NFIA: variants seen among roughly 807,000 people sequenced by gnomAD.
NFIA encodes nuclear factor I A.
NFIA carries 8 observed loss-of-function variants against 62.8 expected under a neutral mutation model. The observed-to-expected ratio is 0.13, with a 90% CI of 0.07 to 0.23. The LOEUF (loss-of-function observed/expected upper bound fraction) is 0.23, where lower values mean the gene tolerates loss of function less well. Ranked by LOEUF, NFIA falls within the 10% of genes least tolerant of loss-of-function variation. The pLI is 1.00. For missense variants in NFIA, 410 were observed against 642.1 expected (o/e 0.64, Z 3.91); for synonymous variants, 235 against 238.1 (o/e 0.99, Z 0.12).
intron 2 of NFIA, among the ~76,000 whole-genome samples, chr1:61,270,645 A>G (rs146978858): frequency 6.6e-6 from 1 of 152,232 alleles, no homozygotes; most frequent in Non-Finnish European, 1.5e-5. Flanking sequence ...CTTCAAGTAT[A>G]TATCATCCTG....
chr1:61,193,177 T>C (rs1651760511), intron 2 of NFIA, among the ~76,000 whole-genome samples: 1 of 152,212 alleles, frequency 6.6e-6, no homozygotes, highest in Non-Finnish European at 1.5e-5. Context: ...TGTCCATGTG[T>C]TTGGCTTGGA....
At position 61,352,529 on chromosome 1, in the gene NFIA, A is replaced by G. The variant is rs1230527886; in HGVS notation, c.780A>G (p.Gly260=). Residue 260 remains glycine, a synonymous_variant, in exon 5 of 11, where the codon GGA becomes GGG. Transcript: ENST00000403491. Reference sequence around the variant, plus strand: ...CTTCATACTACAGCATGAGTCCAGGAGCAATGAGGAGGTCTTTACCCAGCA... The same window carrying G: ...CTTCATACTACAGCATGAGTCCAGGGGCAATGAGGAGGTCTTTACCCAGCA... The part of the protein sequence containing the change: ...ESSSYYSMSP[G]AMRRSLPSTS... 1.2e-6 allele frequency: 2 copies of G among 1,613,938 alleles called. No individual in the cohort carries two copies. Among genetic ancestry groups the G allele is most frequent in the Non-Finnish European group, 1.7e-6 (2 of 1,179,904 alleles).
intron 9 of NFIA, among the ~76,000 whole-genome samples, chr1:61,408,907 G>A (rs1329219416): frequency 6.6e-6 from 1 of 152,184 alleles, no homozygotes; most frequent in Non-Finnish European, 1.5e-5. Context: ...CTCCAGGCTT[G>A]GGTAATGGTA....
intron 7 of NFIA, among the ~76,000 whole-genome samples, chr1:61,388,893 A>C (rs527533890): frequency 1.3e-5 from 2 of 152,286 alleles, no homozygotes; most frequent in East Asian, 1.9e-4. Flanking sequence ...GGCAGGAAGC[A>C]CTTGAGGCCA....
chr1:61,267,503 C>T (rs1055240700), intron 2 of NFIA, among the ~76,000 whole-genome samples: 2 of 151,860 alleles, frequency 1.3e-5, no homozygotes, highest in African/African-American at 2.4e-5. Context: ...AGGGAGACTT[C>T]GTCTCAAGAA....
chr1:61,085,629 T>A (rs529430474), intron 1 of NFIA, among the ~76,000 whole-genome samples: 1 of 152,128 alleles, frequency 6.6e-6, no homozygotes, highest in Non-Finnish European at 1.5e-5. Context: ...CTAATGATAC[T>A]CTTTAGTTTT....
intron 3 of NFIA, among the ~76,000 whole-genome samples, chr1:61,318,330 C>T (rs937544101): frequency 3.3e-5 from 5 of 152,092 alleles, no homozygotes; most frequent in African/African-American, 9.7e-5. Flanking sequence ...GAATGGACCC[C>T]GGCATGTTGG....
intron 2 of NFIA, among the ~76,000 whole-genome samples, chr1:61,207,141 T>G (rs1286115066): frequency 6.6e-6 from 1 of 152,158 alleles, no homozygotes; most frequent in East Asian, 1.9e-4. Flanking sequence ...TTTGTAGCTG[T>G]GATGGGTTAG....
intron 2 of NFIA, among the ~76,000 whole-genome samples, chr1:61,116,180 A>G (rs1189219109): frequency 6.6e-6 from 1 of 152,190 alleles, no homozygotes. Context: ...ATAACCTTGG[A>G]GAAGGAGAGT....
chr1:61,454,757 G>A (rs547607499), intron 10 of NFIA, among the ~76,000 whole-genome samples: 14 of 152,226 alleles, frequency 9.2e-5, no homozygotes, highest in Admixed American at 8.5e-4. Flanking sequence ...TTCTTGTGTC[G>A]CTATTGACCA....
At chr1:61,257,457 G>T (rs919244136) in intron 2 of NFIA, among the ~76,000 whole-genome samples, 1 of 147,500 alleles carries the variant, frequency 6.8e-6, no homozygotes, top group East Asian at 2.1e-4. Flanking sequence ...CCTGACTCAG[G>T]CTCCCGAGTA....
chr1:61,081,760 C>A, upstream of NFIA: 1 of 1,060,268 alleles, frequency 9.4e-7, no homozygotes, highest in Non-Finnish European at 1.3e-6. Flanking sequence ...ACCCCCGCTT[C>A]TGAATGCCAC....
intron 2 of NFIA, among the ~76,000 whole-genome samples, chr1:61,246,323 A>G (rs1484586555): frequency 2.0e-5 from 3 of 152,172 alleles, no homozygotes; most frequent in Non-Finnish European, 4.4e-5. Flanking sequence ...AGTGGAATTA[A>G]CAGTAGATAT....
At chr1:61,197,867 G>C (rs1418390714) in intron 2 of NFIA, among the ~76,000 whole-genome samples, 2 of 151,996 alleles carry the variant, frequency 1.3e-5, no homozygotes, top group Non-Finnish European at 2.9e-5. Flanking sequence ...AGTAATTCCA[G>C]CTACTCGGGA....
intron 7 of NFIA, among the ~76,000 whole-genome samples, chr1:61,387,232 G>C (rs1048180808): frequency 2.0e-5 from 3 of 151,996 alleles, no homozygotes; most frequent in African/African-American, 7.3e-5. Context: ...CTGAACCAAA[G>C]GTTTCTCATC....
At chr1:61,300,134 T>C (rs1387088836) in intron 3 of NFIA, among the ~76,000 whole-genome samples, 1 of 152,144 alleles carries the variant, frequency 6.6e-6, no homozygotes, top group Non-Finnish European at 1.5e-5. Context: ...GTTTTCCGCA[T>C]TTCCACAGTA....
chr1:61,080,352 A>C (rs1185382036), upstream of NFIA, among the ~76,000 whole-genome samples: 1 of 152,002 alleles, frequency 6.6e-6, no homozygotes, highest in Non-Finnish European at 1.5e-5. Context: ...CTTGAGACTC[A>C]AAAGTAAGAA....
chr1:61,105,402 A>G (rs1197106591), intron 2 of NFIA, among the ~76,000 whole-genome samples: 1 of 151,944 alleles, frequency 6.6e-6, no homozygotes, highest in Non-Finnish European at 1.5e-5. Flanking sequence ...TTTATTCCTT[A>G]GGGTATTACT....
chr1:61,150,923 G>C (rs1487168515), intron 2 of NFIA, among the ~76,000 whole-genome samples: 1 of 152,170 alleles, frequency 6.6e-6, no homozygotes, highest in Non-Finnish European at 1.5e-5. Context: ...GAAGTGGAGA[G>C]GGTGATTGGA....
Sources: gnomAD v4.1 joint callset for allele counts (sites outside exome capture counted in the v4.1 genomes callset) on GRCh38, gnomAD v4.1.1 for gene constraint, MANE v1.5 for transcripts, NCBI Gene and HGNC (gene_info 2026-07-23, HGNC 2026-07-21) for gene names.